The following COL20A1 variants were observed in gnomAD, a reference collection of about 807,000 sequenced individuals.
COL20A1 encodes the protein collagen alpha-1(XX) chain.
A neutral mutation model predicts 152.9 loss-of-function variants in COL20A1; 164 were observed. The observed-to-expected ratio is 1.07, with a 90% CI of 0.94 to 1.22. COL20A1 has a LOEUF of 1.22. COL20A1 is among the 50% of genes most tolerant of loss of function. The pLI is 0.00. For synonymous variants in COL20A1, 864 were observed against 756.0 expected (o/e 1.14, Z -2.34); for missense variants, 1,873 against 1,744.8 (o/e 1.07, Z -1.31).
chr20:63,330,327 T>G (rs549638200), intron 35 of COL20A1, among the ~76,000 whole-genome samples: 1 of 152,044 alleles, frequency 6.6e-6, no homozygotes, highest in Non-Finnish European at 1.5e-5. Context: ...CTGGGGCCCA[T>G]GAGGGGCCGG....
At chr20:63,324,895 C>T in intron 27 of COL20A1, 1 of 191,360 alleles carries the variant, frequency 5.2e-6, no homozygotes, top group Non-Finnish European at 1.1e-5. Flanking sequence ...AGAAAGTTTT[C>T]TGTCTCTTCC....
intron 2 of COL20A1, among the ~76,000 whole-genome samples, chr20:63,295,591 C>G (rs560788297): frequency 2.0e-5 from 3 of 152,236 alleles, no homozygotes; most frequent in Admixed American, 2.0e-4. Context: ...GTGCGGCACT[C>G]GCATTTCCAC....
At position 63,312,035 on chromosome 20, in the gene COL20A1, G is replaced by A. The variant is rs2068015562; in HGVS notation, c.1783G>A (p.Glu595Lys). 14 of 1,591,914 alleles carry A rather than the reference G, an allele frequency of 8.8e-6. No individual in the cohort carries two copies. Among genetic ancestry groups the A allele is most frequent in the Admixed American group, 1.7e-5 (1 of 57,150 alleles). The change falls in exon 14 of 36, where the codon GAG (glutamate) becomes AAG (lysine). Residue 595 changes from glutamate (E) to lysine (K), a missense_variant. Coordinates refer to ENST00000358894, the MANE Select transcript of COL20A1 (RefSeq NM_020882.4). The part of the protein sequence containing the change: ...RLVRVTYVSS[E>K]GGHSGQTEAP... ...GGTCAGGGTCACCTATGTGTCCAGCGAGGGTGGACACTCGGGGCAGGTGAG... is the reference window on the plus strand; with the variant it reads ...GGTCAGGGTCACCTATGTGTCCAGCAAGGGTGGACACTCGGGGCAGGTGAG...
intron 3 of COL20A1, among the ~76,000 whole-genome samples, chr20:63,298,677 C>T (rs941470711): frequency 3.3e-5 from 5 of 152,158 alleles, no homozygotes; most frequent in African/African-American, 1.2e-4. Flanking sequence ...ACAGCGAACC[C>T]CAGAAGCACC....
rs546028993 is a variant in COL20A1, at chr20:63,308,720, G to A, written c.940+14G>A. 4.7e-5 allele frequency: 74 copies of A among 1,572,454 alleles called. No individual in the cohort carries two copies. In the Middle Eastern group the frequency reaches 1.0e-3, roughly 21 times the overall value. The stretch of plus-strand genomic sequence containing the variant: ...TCTTCGCTGTGGGTGAGCACCATGC[G>A]GCTCCCCCGGCCCTGGAGTCTCACC... On this transcript the variant is annotated intron_variant, in intron 8 of 35. Coordinates refer to ENST00000358894, the MANE Select transcript of COL20A1 (RefSeq NM_020882.4).
At chr20:63,303,806 T>G (rs1167144783) in intron 3 of COL20A1, among the ~76,000 whole-genome samples, 1 of 149,404 alleles carries the variant, frequency 6.7e-6, no homozygotes, top group Non-Finnish European at 1.5e-5. Context: ...CCTCCCTTCC[T>G]CCCTCCCTCC....
rs1227304867 is a variant in COL20A1 at position 63,312,892 on chromosome 20, C to T, written c.2034C>T (p.Tyr678=). 1 of 1,558,566 alleles carries T rather than the reference C, an allele frequency of 6.4e-7. No individual in the cohort carries two copies. The highest frequency in any genetic ancestry group is 1.9e-5 in the Admixed American group (1 of 52,268). ...CAGCCCCGTCTGGCGTGCTTGTCTA[C>T]CAGATCACGTGGACGCCCCTGGGAG... ...VAAAPSGVLV[Y]QITWTPLGEG... is the part of the protein sequence containing the mutation. The change falls in exon 16 of 36, where the codon TAC becomes TAT. Residue 678 remains tyrosine, a synonymous_variant. Transcript: ENST00000358894.
intron 7 of COL20A1, 143 bp from the exon 8 acceptor site, chr20:63,308,398 TC>T (rs983937614): frequency 4.9e-5 from 42 of 852,044 alleles, no homozygotes; most frequent in Non-Finnish European, 6.7e-5. Flanking sequence ...AGGTAGACCC[TC>T]CCTGCTCCCT....
chr20:63,295,375 G>C (rs2067774394), intron 2 of COL20A1, among the ~76,000 whole-genome samples, 186 bp downstream of exon 2: 1 of 152,270 alleles, frequency 6.6e-6, no homozygotes, highest in African/African-American at 2.4e-5. Context: ...CAAACCTTCA[G>C]CCTCGCCTTG....
rs774575575 is a variant in COL20A1 at position 63,309,326 on chromosome 20, C to T, written c.941-7C>T. The T allele has an allele frequency of 7.5e-6, 11 of 1,458,340 alleles. No individual in the cohort carries two copies. The highest frequency in any genetic ancestry group is 1.4e-5 in the African/African-American group (1 of 70,096). 90.3% of individuals were successfully genotyped at this position (1,458,340 alleles called of 1,614,324 possible). Reference sequence around the variant, plus strand: ...CAGGCCAACCCCACCTCCCTCCTCACGAGCAGGTGTGAAGAACGCCGATGA... The same window carrying T: ...CAGGCCAACCCCACCTCCCTCCTCATGAGCAGGTGTGAAGAACGCCGATGA... On this transcript the variant is annotated splice_polypyrimidine_tract_variant and splice_region_variant and intron_variant, in intron 8 of 35. Transcript: ENST00000358894.
chr20:63,321,832 G>A (rs529770291), intron 26 of COL20A1, among the ~76,000 whole-genome samples: 11 of 152,162 alleles, frequency 7.2e-5, no homozygotes, highest in African/African-American at 2.2e-4. Context: ...TCTACTCAGG[G>A]GGCCGGGGTT....
intron 27 of COL20A1, chr20:63,325,132 C>T (rs2068224047): frequency 1.9e-6 from 1 of 516,602 alleles, no homozygotes; most frequent in East Asian, 3.8e-5. Flanking sequence ...GCCCCTGCTC[C>T]TTTAATGGAG....
At chr20:63,308,189 G>C (rs1449593937) in intron 7 of COL20A1, 99 bp downstream of exon 7, 10 of 1,439,946 alleles carry the variant, frequency 6.9e-6, no homozygotes, top group African/African-American at 4.2e-5. Flanking sequence ...AGCTCCAAGT[G>C]GTGTGGACCT....
At chr20:63,297,266 C>T (rs2067806702) in intron 2 of COL20A1, among the ~76,000 whole-genome samples, 1 of 151,780 alleles carries the variant, frequency 6.6e-6, no homozygotes, top group Non-Finnish European at 1.5e-5. Flanking sequence ...GGCCCCAGCC[C>T]AGGGGACTTA....
At position 63,311,373 on chromosome 20, in the gene COL20A1, T is replaced by C; in HGVS notation, c.1394-21T>C. On this transcript the variant is annotated intron_variant, in intron 11 of 35. Transcript: ENST00000358894. This position sits in a 1 kb window ranked among gnomAD's most constrained non-coding sequence, Gnocchi z 4.4. Reference sequence around the variant, plus strand: ...TCTCTGTGTGGGCTCCTTCCTAAAGTGTCCCTGCATGGCCCCCCAGCACCT... The same window carrying C: ...TCTCTGTGTGGGCTCCTTCCTAAAGCGTCCCTGCATGGCCCCCCAGCACCT... 2 of 1,566,406 alleles carry C rather than the reference T, an allele frequency of 1.3e-6. No individual in the cohort carries two copies. The highest frequency in any genetic ancestry group is 1.7e-6 in the Non-Finnish European group (2 of 1,157,692).
chr20:63,322,302 C>T (rs1475243322), intron 27 of COL20A1, among the ~76,000 whole-genome samples, 191 bp downstream of exon 27: 1 of 152,166 alleles, frequency 6.6e-6, no homozygotes, highest in Non-Finnish European at 1.5e-5. Context: ...GGCTGGCCTC[C>T]CCCATGTGCC....
In COL20A1 at chr20:63,295,242, C is replaced by G. The variant is rs2067772251; in HGVS notation, c.82+53C>G. ...TTGCCCCGAGGCCACGCCTGCCCCA[C>G]CAGTGCCCACGCGGGACGAGCCCTC... On this transcript the variant is annotated intron_variant, in intron 2 of 35. Transcript: ENST00000358894. 5 of 1,237,920 alleles carry G rather than the reference C, an allele frequency of 4.0e-6. No individual in the cohort carries two copies. The East Asian group carries it at 1.3e-4, about 32-fold the overall frequency. The allele number at this position is 1,237,920 out of a possible 1,614,324, so 76.7% of individuals were successfully genotyped here.
In COL20A1 at chr20:63,313,927, G is replaced by T. The variant is rs201867682; in HGVS notation, c.2358+36G>T. On this transcript the variant is annotated intron_variant, in intron 18 of 35. Transcript: ENST00000358894. This position sits in a 1 kb window ranked among gnomAD's most constrained non-coding sequence, Gnocchi z 5.9. ...GTAGAGCCTGAGGCTGCCCCACCTC[G>T]TGGGGCCTCCTGGAAGGGGTATGGC... The T allele has an allele frequency of 1.9e-6, 3 of 1,582,174 alleles. No homozygotes were observed. Among genetic ancestry groups the T allele is most frequent in the Non-Finnish European group, 2.6e-6 (3 of 1,164,060 alleles).
Position 63,305,546 on chromosome 20 carries a change from G to A in COL20A1, c.323G>A (p.Arg108Gln), listed in dbSNP as rs771175148. 10 of 1,599,660 alleles carry A rather than the reference G, an allele frequency of 6.3e-6. No individual in the cohort carries two copies. The highest frequency in any genetic ancestry group is 1.7e-4 in the Middle Eastern group (1 of 6,010). Residue 108 changes from arginine (R) to glutamine (Q), a missense_variant, in exon 4 of 36, where the codon CGG becomes CAG. By Grantham distance (43) the Arg-to-Gln change is conservative. Transcript: ENST00000358894. The surrounding 1 kb of genome is among the most constrained non-coding windows in gnomAD (Gnocchi z 4.9). ...GGCTCTGGGCGCTTCCTGCTAGCTC[G>A]GAGGGAGTTTGTGAGTAAGTCCACC... ...LTGSGRFLLA[R>Q]REFVIEDLKS...
Sources: gnomAD v4.1 joint callset for allele counts (sites outside exome capture counted in the v4.1 genomes callset) on GRCh38, gnomAD v4.1.1 for gene constraint, Gnocchi (gnomAD v3.1) non-coding constraint, MANE v1.5 for transcripts, NCBI Gene and HGNC (gene_info 2026-07-23, HGNC 2026-07-21) for gene names.